Variants in MYBL2 observed in about 807,000 individuals in gnomAD.
The protein encoded by MYBL2 is myb-related protein B.
Under a neutral mutation model 79.9 loss-of-function variants are expected in MYBL2, and 28 were observed. That is an observed-to-expected ratio of 0.35 (90% CI 0.26 to 0.48). The LOEUF (loss-of-function observed/expected upper bound fraction) is 0.48, where lower values mean the gene tolerates loss of function less well. MYBL2 is among the 20% of genes least tolerant of loss of function. MYBL2 has a pLI of 0.99. For synonymous variants in MYBL2, 378 were observed against 361.2 expected (o/e 1.05, Z -0.53); for missense variants, 735 against 893.9 (o/e 0.82, Z 2.27).
intron 9 of MYBL2, among the ~76,000 whole-genome samples, 200 bp from the exon 10 acceptor site, chr20:43,709,763 C>T (rs982824962): frequency 2.0e-5 from 3 of 152,192 alleles, no homozygotes; most frequent in African/African-American, 4.8e-5. Context: ...CTGTCTGGGG[C>T]TCCTGGCCCC....
chr20:43,691,816 G>T (rs1987416175), intron 5 of MYBL2, among the ~76,000 whole-genome samples: 1 of 151,676 alleles, frequency 6.6e-6, no homozygotes, highest in South Asian at 2.1e-4. Context: ...TGGGATCACA[G>T]GTGTGGTGAG....
At chr20:43,713,150 C>A in intron 12 of MYBL2, 44 bp downstream of exon 12, 1 of 1,542,062 alleles carries the variant, frequency 6.5e-7, no homozygotes, top group South Asian at 1.2e-5. Flanking sequence ...TGGAGAGGAC[C>A]CTCAAGGTGG....
chr20:43,714,013 G>C (rs1600568254), intron 12 of MYBL2, among the ~76,000 whole-genome samples: 1 of 152,280 alleles, frequency 6.6e-6, no homozygotes, highest in East Asian at 1.9e-4. Context: ...GAGAAACCTT[G>C]TCCTGGCTAG....
At chr20:43,680,799 T>C (rs1987124961) in intron 2 of MYBL2, among the ~76,000 whole-genome samples, 1 of 152,154 alleles carries the variant, frequency 6.6e-6, no homozygotes, top group African/African-American at 2.4e-5. Context: ...GGCTTGACAT[T>C]TTCTTTATAT....
At chr20:43,669,649 G>T (rs1258564861) in intron 1 of MYBL2, among the ~76,000 whole-genome samples, 1 of 152,188 alleles carries the variant, frequency 6.6e-6, no homozygotes, top group Non-Finnish European at 1.5e-5. Flanking sequence ...CAGGTGTCTG[G>T]AGTTAGGAAG....
At chr20:43,681,601 G>T (rs1006496577) in intron 2 of MYBL2, among the ~76,000 whole-genome samples, 183 bp from the exon 3 acceptor site, 3 of 152,218 alleles carry the variant, frequency 2.0e-5, no homozygotes, top group Non-Finnish European at 2.9e-5. Context: ...TCCCTCCCAT[G>T]AGATCAGGGG....
At chr20:43,688,118 TTC>T (rs1387651235) in intron 5 of MYBL2, among the ~76,000 whole-genome samples, 2 of 152,114 alleles carry the variant, frequency 1.3e-5, no homozygotes, top group East Asian at 3.8e-4. Flanking sequence ...ACTTCTTATC[TTC>T]TCTTTTTTTG....
At chr20:43,678,701 A>G (rs1046472524) in intron 2 of MYBL2, among the ~76,000 whole-genome samples, 5 of 151,950 alleles carry the variant, frequency 3.3e-5, no homozygotes, top group African/African-American at 9.7e-5. Context: ...TACTAAAAAT[A>G]CAAAAAATTA....
At chr20:43,712,302 A>T (rs1464600342) in intron 11 of MYBL2, among the ~76,000 whole-genome samples, 9 of 152,140 alleles carry the variant, frequency 5.9e-5, no homozygotes, top group Non-Finnish European at 1.2e-4. Context: ...TGGGATGTAC[A>T]GGGTGTTAGG....
At chr20:43,710,083 C>CG in intron 10 of MYBL2, 21 bp downstream of exon 10, 1 of 1,572,152 alleles carries the variant, frequency 6.4e-7, no homozygotes, top group Non-Finnish European at 8.7e-7. Flanking sequence ...TGGTCGCTGC[C>CG]GTGGATCTCT....
At chr20:43,675,788 G>GTTGTT (rs1986993813) in intron 2 of MYBL2, among the ~76,000 whole-genome samples, 2 of 133,578 alleles carry the variant, frequency 1.5e-5, no homozygotes, top group African/African-American at 6.3e-5. Context: ...TGTGTGTGTT[G>GTTGTT]TTTTTAACTT....
rs372076045 is a variant in MYBL2, at chr20:43,696,684, T to C, written c.664-3073T>C. On this transcript the variant is annotated intron_variant, in intron 6 of 13. Coordinates refer to ENST00000217026, the MANE Select transcript of MYBL2 (RefSeq NM_002466.4). Reference sequence around the variant, plus strand: ...GTTACTATTTCCATCAATGCTATAATGATCATCATTGTTCAGTTTCTTTGT... The same window carrying C: ...GTTACTATTTCCATCAATGCTATAACGATCATCATTGTTCAGTTTCTTTGT... Among the ~76,000 whole-genome samples, 11 of 152,420 alleles carry C rather than the reference T, an allele frequency of 7.2e-5. No individual in the cohort carries two copies. In the East Asian group the frequency reaches 2.1e-3, roughly 29 times the overall value.
Position 43,702,695 on chromosome 20 carries a change from G to A in MYBL2, c.1157G>A (p.Arg386Gln), listed in dbSNP as rs760513416. 12 of 1,613,436 alleles carry A rather than the reference G, an allele frequency of 7.4e-6. No homozygotes were observed. Among genetic ancestry groups the A allele is most frequent in the South Asian group, 2.2e-5 (2 of 91,078 alleles). Residue 386 changes from arginine (R) to glutamine (Q), a missense_variant, in exon 8 of 14, where the codon CGG (arginine) becomes CAG (glutamine). Arg to Gln is a conservative substitution (Grantham distance 43). Around this residue, in one of 5 missense-constraint regions of MYBL2, gnomAD observed 243 missense variants for 327.2 expected, o/e 0.74. Transcript: ENST00000217026. ...ATCTCAGACCTGAGCCGGAGCAGCC[G>A]GGGCGAGCTGATCCCCATCTCCCCC... ...HTISDLSRSS[R>Q]GELIPISPST... is the part of the protein sequence containing the mutation.
rs752410761 is a variant in MYBL2, at chr20:43,710,079, C to T, written c.1605+17C>T. 6.3e-7 allele frequency: 1 copy of T among 1,579,006 alleles called. No homozygotes were observed. Among genetic ancestry groups the T allele is most frequent in the Admixed American group, 1.7e-5 (1 of 57,640 alleles). ...AAGCCCCTGGTACGTGGTGTGGTCG[C>T]TGCCGTGGATCTCTGCACAGTGGGA... On this transcript the variant is annotated intron_variant, in intron 10 of 13. Transcript: ENST00000217026.
intron 12 of MYBL2, among the ~76,000 whole-genome samples, chr20:43,714,281 G>C (rs73911012): frequency 6.6e-6 from 1 of 152,172 alleles, no homozygotes; most frequent in African/African-American, 2.4e-5. Flanking sequence ...GTGCAACTCC[G>C]CTGTGCTTGG....
chr20:43,680,834 CTT>C (rs1374290586), intron 2 of MYBL2, among the ~76,000 whole-genome samples: 5 of 152,092 alleles, frequency 3.3e-5, no homozygotes, highest in African/African-American at 1.2e-4. Flanking sequence ...CTGAGGAAAA[CTT>C]TATATATAAT....
intron 9 of MYBL2, among the ~76,000 whole-genome samples, chr20:43,709,640 C>T (rs557842514): frequency 5.6e-4 from 85 of 152,326 alleles, no homozygotes; most frequent in Non-Finnish European, 1.0e-3. Flanking sequence ...TGGGTTCCCA[C>T]CTTGCTCCGT....
chr20:43,677,547 A>G lies in MYBL2; in HGVS notation c.114+3648A>G, dbSNP rs148456864. ...GGGCTATAGGTGGAGAAAAGCCAGTACAGGAGGCCAGTTTGGTGGGAGGGA... is the reference window on the plus strand; with the variant it reads ...GGGCTATAGGTGGAGAAAAGCCAGTGCAGGAGGCCAGTTTGGTGGGAGGGA... On this transcript the variant is annotated intron_variant, in intron 2 of 13. Transcript: ENST00000217026. 7.7e-3 allele frequency among the ~76,000 whole-genome samples: 1,174 copies of G among 152,346 alleles called. 16 individuals carry two copies. The highest frequency in any genetic ancestry group is 0.026 in the African/African-American group (1,083 of 41,584).
chr20:43,705,038 C>T (rs908121651), intron 8 of MYBL2, among the ~76,000 whole-genome samples, 181 bp from the exon 9 acceptor site: 4 of 152,010 alleles, frequency 2.6e-5, no homozygotes, highest in Non-Finnish European at 5.9e-5. Flanking sequence ...TTGGTGGGCT[C>T]CTGGCATCGA....
Sources: allele counts gnomAD v4.1 joint callset (sites outside exome capture counted in the v4.1 genomes callset), GRCh38; gene constraint gnomAD v4.1.1; regional missense constraint gnomAD v4.1.1; transcripts MANE v1.5; gene names NCBI Gene and HGNC (gene_info 2026-07-23, HGNC 2026-07-21).